The following CTNNA3 variants were observed in gnomAD, a reference collection of about 807,000 sequenced individuals.
The protein encoded by CTNNA3 is catenin alpha 3.
In CTNNA3, 76 loss-of-function variants were observed where a neutral mutation model predicts 95.7. The observed-to-expected ratio is 0.79, with a 90% CI of 0.66 to 0.96. CTNNA3 has a LOEUF of 0.96. CTNNA3 is among the 40% of genes least tolerant of loss of function. The pLI is 0.00. For missense variants in CTNNA3, 1,191 were observed against 1,089.8 expected, an observed-to-expected ratio of 1.09 and a Z score of -1.31; for synonymous variants, 431 against 374.4, an observed-to-expected ratio of 1.15 and a Z score of -1.74.
chr10:66,657,294 G>C (rs1846103151), intron 9 of CTNNA3, among the ~76,000 whole-genome samples: 1 of 152,124 alleles, frequency 6.6e-6, no homozygotes, highest in Non-Finnish European at 1.5e-5. Flanking sequence ...TTGCCTTAGA[G>C]AGCCTTTCTT....
intron 1 of CTNNA3, among the ~76,000 whole-genome samples, chr10:67,689,717 G>A (rs1293351273): frequency 3.9e-5 from 6 of 152,212 alleles, no homozygotes; most frequent in Middle Eastern, 3.4e-3. Flanking sequence ...TACCATTAAA[G>A]TGGAAGCTGG....
intron 7 of CTNNA3, among the ~76,000 whole-genome samples, chr10:67,138,644 C>T (rs1338805256): frequency 6.6e-6 from 1 of 152,206 alleles, no homozygotes; most frequent in Admixed American, 6.5e-5. Flanking sequence ...CACTCCTCTT[C>T]TAAAAATTAT....
intron 13 of CTNNA3, among the ~76,000 whole-genome samples, chr10:66,148,264 T>C (rs1049001552): frequency 2.6e-5 from 4 of 152,100 alleles, no homozygotes; most frequent in African/African-American, 9.7e-5. Flanking sequence ...ATTGCCTATA[T>C]TTTTAGTTAT....
intron 10 of CTNNA3, among the ~76,000 whole-genome samples, chr10:66,616,114 A>G (rs1220368111): frequency 6.6e-6 from 1 of 151,968 alleles, no homozygotes; most frequent in Non-Finnish European, 1.5e-5. Context: ...TCCAGATCAC[A>G]TTTCTCTCTT....
intron 5 of CTNNA3, among the ~76,000 whole-genome samples, chr10:67,401,674 G>A (rs992891630): frequency 6.6e-6 from 1 of 152,144 alleles, no homozygotes; most frequent in African/African-American, 2.4e-5. Context: ...CCCCCAAGCA[G>A]ACCTGATGAG....
intron 13 of CTNNA3, among the ~76,000 whole-genome samples, chr10:66,209,679 G>T (rs2088007611): frequency 6.6e-6 from 1 of 152,074 alleles, no homozygotes; most frequent in Non-Finnish European, 1.5e-5. Context: ...AAAAAATAGA[G>T]GAGTCAGGGA....
intron 17 of CTNNA3, among the ~76,000 whole-genome samples, chr10:65,943,308 C>T (rs2077458510): frequency 6.6e-6 from 1 of 152,096 alleles, no homozygotes; most frequent in South Asian, 2.1e-4. Context: ...TCGTGATCCA[C>T]CCACCTCAGC....
intron 9 of CTNNA3, among the ~76,000 whole-genome samples, chr10:66,718,060 AGCTACAT>A (rs1340077585): frequency 6.6e-6 from 1 of 152,216 alleles, no homozygotes; most frequent in Non-Finnish European, 1.5e-5. Context: ...CAAGTTGTAC[AGCTACAT>A]TGGCACCAAA....
At chr10:66,683,943 T>C (rs779844802) in intron 9 of CTNNA3, among the ~76,000 whole-genome samples, 1 of 152,120 alleles carries the variant, frequency 6.6e-6, no homozygotes, top group South Asian at 2.1e-4. Context: ...TGCTTTGCGA[T>C]TGAACCTACA....
intron 5 of CTNNA3, among the ~76,000 whole-genome samples, chr10:67,452,061 TGGAA>T (rs59544939): frequency 0.051 from 6,210 of 120,990 alleles, 274 homozygotes; most frequent in African/African-American, 0.13. Context: ...GAGGGAGGAA[TGGAA>T]GGAAGGAAGG....
In CTNNA3 at chr10:66,408,225, CTTAG is replaced by C. The variant is rs570748984; in HGVS notation, c.1532-28877_1532-28874del. On this transcript the variant is annotated intron_variant, in intron 11 of 17. Coordinates refer to ENST00000433211, the MANE Select transcript of CTNNA3 (RefSeq NM_013266.4). ...TTTTTATTTTCAAATATTTTTTATC[CTTAG>C]TTGGTTGAATGCACAAATATGGAAC... Among the ~76,000 whole-genome samples the C allele has an allele frequency of 3.9e-5, 6 of 152,038 alleles. No individual in the cohort carries two copies. The East Asian group carries it at 1.2e-3, about 29-fold the overall frequency.
intron 13 of CTNNA3, among the ~76,000 whole-genome samples, chr10:66,238,440 C>CA (rs1001785554): frequency 6.6e-5 from 10 of 151,568 alleles, no homozygotes; most frequent in African/African-American, 1.4e-4. Context: ...CAGGTTGTCA[C>CA]AAAAAAAATT....
intron 9 of CTNNA3, among the ~76,000 whole-genome samples, chr10:66,666,595 G>T (rs760420848): frequency 1.1e-4 from 16 of 151,878 alleles, no homozygotes; most frequent in Non-Finnish European, 2.2e-4. Context: ...TCTTCATGTT[G>T]TGCCATCCTA....
intron 2 of CTNNA3, among the ~76,000 whole-genome samples, chr10:67,619,069 C>T (rs1022647591): frequency 1.3e-5 from 2 of 152,048 alleles, no homozygotes; most frequent in Non-Finnish European, 1.5e-5. Context: ...CAAGGTGAAG[C>T]CAAGAGACTT....
intron 5 of CTNNA3, among the ~76,000 whole-genome samples, chr10:67,305,378 T>TAAAA (rs562331483): frequency 3.8e-5 from 4 of 105,526 alleles, no homozygotes; most frequent in African/African-American, 7.4e-5. Flanking sequence ...AAAAAAAAAT[T>TAAAA]AAAAAAAAAA....
rs1243481610 is a variant in CTNNA3, at chr10:66,749,215, AAAAAAAAAAAAAAG to A, written c.1281+17035_1281+17048del. On this transcript the variant is annotated intron_variant, in intron 9 of 17. Coordinates refer to ENST00000433211, the MANE Select transcript of CTNNA3 (RefSeq NM_013266.4). ...GAAACTCCAACTCAAAAAAAAAAAAAAAAAAAAAAAAAAGAAAAGGAAAGAAAGAAAGAAAGATA... is the reference window on the plus strand; with the variant it reads ...GAAACTCCAACTCAAAAAAAAAAAAAAAAAGGAAAGAAAGAAAGAAAGATA... 1.6e-3 allele frequency among the ~76,000 whole-genome samples: 235 copies of A among 145,950 alleles called. 5 individuals carry two copies. The highest frequency in any genetic ancestry group is 0.015 in the Admixed American group (224 of 14,766).
Position 66,063,807 on chromosome 10 carries a change from T to C in CTNNA3, c.2159+5501A>G, listed in dbSNP as rs186532274. ...TTCTATTTTCATTATTGTAAAGATGTCTTGGAAATTTAAAATGCATATAAT... is the reference window on the plus strand; with the variant it reads ...TTCTATTTTCATTATTGTAAAGATGCCTTGGAAATTTAAAATGCATATAAT... On this transcript the variant is annotated intron_variant, in intron 15 of 17. Transcript: ENST00000433211. Among the ~76,000 whole-genome samples, 1,266 of 152,184 alleles carry C rather than the reference T, an allele frequency of 8.3e-3. 13 individuals are homozygous for C. Among genetic ancestry groups the C allele is most frequent in the African/African-American group, 0.029 (1,200 of 41,530 alleles).
intron 7 of CTNNA3, among the ~76,000 whole-genome samples, chr10:66,816,251 A>T (rs1842077707): frequency 2.6e-5 from 4 of 152,176 alleles, no homozygotes; most frequent in Admixed American, 2.6e-4. Flanking sequence ...AATACAAAAA[A>T]GCAAAGTAAA....
chr10:65,989,025 C>G (rs557868304), intron 15 of CTNNA3, among the ~76,000 whole-genome samples: 4 of 152,266 alleles, frequency 2.6e-5, no homozygotes, highest in South Asian at 2.1e-4. Flanking sequence ...ACTGCAACCT[C>G]CGCTTCTCGG....
Sources: allele counts gnomAD v4.1 joint callset (sites outside exome capture counted in the v4.1 genomes callset), GRCh38; gene constraint gnomAD v4.1.1; transcripts MANE v1.5; gene names NCBI Gene and HGNC (gene_info 2026-07-23, HGNC 2026-07-21).